Variants in SYDE1 observed in about 807,000 individuals in gnomAD.
SYDE1 encodes synapse defective Rho GTPase activating protein 1.
A neutral mutation model predicts 63.3 loss-of-function variants in SYDE1; 34 were observed. The observed-to-expected ratio is 0.54, with a 90% CI of 0.41 to 0.71. The LOEUF (loss-of-function observed/expected upper bound fraction) is 0.71, where lower values mean the gene tolerates loss of function less well. SYDE1 is among the 30% of genes least tolerant of loss of function. The probability of loss-of-function intolerance (pLI) is 0.00; values close to 1 mark genes in which losing one functional copy is unlikely to be tolerated. For missense variants in SYDE1, 925 were observed against 1,042.5 expected, an observed-to-expected ratio of 0.89 and a Z score of 1.55; for synonymous variants, 467 against 473.4, an observed-to-expected ratio of 0.99 and a Z score of 0.18.
In SYDE1 at chr19:15,111,251, C is replaced by G. The variant is rs1465391563; in HGVS notation, c.1291-62C>G. 1.9e-6 allele frequency: 3 copies of G among 1,593,466 alleles called. No individual in the cohort carries two copies. The highest frequency in any genetic ancestry group is 2.6e-6 in the Non-Finnish European group (3 of 1,165,048). On this transcript the variant is annotated intron_variant, in intron 4 of 7. Coordinates refer to ENST00000342784, the MANE Select transcript of SYDE1 (RefSeq NM_033025.6). This position sits in a 1 kb window ranked among gnomAD's most constrained non-coding sequence, Gnocchi z 5.5. ...GCCCAGAATTCCAGTGCTCACCCCA[C>G]TGGGCCCTGATTAGTCTGTGGCCCC...
rs760072560 is a variant in SYDE1 at position 15,112,461 on chromosome 19, G to A, written c.1694G>A (p.Arg565His). ...VCFGPVLLPARQAPTRPRARS... is the reference protein window; with the variant it reads ...VCFGPVLLPAHQAPTRPRARS... ...TTCGGGCCTGTGCTGCTGCCGGCAC[G>A]CCAGGCGCCCACAAGGCCTCGTGCC... is the stretch of plus-strand genomic sequence containing the variant. Residue 565 changes from arginine (R) to histidine (H), a missense_variant, in exon 7 of 8, where the codon CGC (arginine) becomes CAC (histidine). By Grantham distance (29) the Arg-to-His change is conservative (BLOSUM62 0). Around this residue, in one of 3 missense-constraint regions of SYDE1, gnomAD observed 255 missense variants for 255.9 expected, o/e 1.00. Transcript: ENST00000342784. The A allele has an allele frequency of 6.6e-5, 106 of 1,604,608 alleles. No homozygotes were observed. The highest frequency in any genetic ancestry group is 2.3e-5 in the Non-Finnish European group (27 of 1,176,190).
chr19:15,112,604 C>A, intron 7 of SYDE1, 33 bp downstream of exon 7: 1 of 1,499,040 alleles, frequency 6.7e-7, no homozygotes. Context: ...CACCACCAAT[C>A]TGAGCCAGGC....
rs1469324039 is a variant in SYDE1 at position 15,109,387 on chromosome 19, G to A, written c.420G>A (p.Leu140=). ...CTGGCTCAGCTGAGTCAGAGGGCCTGGCCCCCCAAGGTAAGAACAAGCTTC... is the reference window on the plus strand; with the variant it reads ...CTGGCTCAGCTGAGTCAGAGGGCCTAGCCCCCCAAGGTAAGAACAAGCTTC... ...PQPGSAESEG[L]APQGAAPASP... The change falls in exon 2 of 8, where the codon CTG becomes CTA. Residue 140 remains leucine, a synonymous_variant. Coordinates refer to ENST00000342784, the MANE Select transcript of SYDE1 (RefSeq NM_033025.6). The surrounding 1 kb of genome is among the most constrained non-coding windows in gnomAD (Gnocchi z 5.0). 6.5e-7 allele frequency: 1 copy of A among 1,545,314 alleles called. No homozygotes were observed. The highest frequency in any genetic ancestry group is 2.3e-5 in the East Asian group (1 of 44,270).
At position 15,114,082 on chromosome 19, in the gene SYDE1, G is replaced by T; in HGVS notation, c.*119G>T. On this transcript the variant is annotated 3_prime_UTR_variant, in exon 8 of 8. Transcript: ENST00000342784. ...TCAGGCCGAGCTCCTGGTTGCCAGC[G>T]AGTTACCACGGGACCAGTCGCGTGT... The T allele has an allele frequency of 9.8e-7, 1 of 1,015,456 alleles. No individual in the cohort carries two copies. Among genetic ancestry groups the T allele is most frequent in the Admixed American group, 2.3e-5 (1 of 44,218 alleles). 62.9% of individuals were successfully genotyped at this position (1,015,456 alleles called of 1,614,324 possible).
Position 15,110,012 on chromosome 19 carries a change from T to C in SYDE1, c.739T>C (p.Ser247Pro). 1 of 1,499,906 alleles carries C rather than the reference T, an allele frequency of 6.7e-7. No individual in the cohort carries two copies. Among genetic ancestry groups the C allele is most frequent in the Middle Eastern group, 2.0e-4 (1 of 4,888 alleles). The allele number at this position is 1,499,906 out of a possible 1,614,324, so 92.9% of individuals were successfully genotyped here. ...ERPAGPPSPT[S>P]FRPYEVGPAA... ...CCCAGCTGGGCCCCCATCACCCACCTCCTTCCGGCCCTACGAGGTGGGTCC... is the reference window on the plus strand; with the variant it reads ...CCCAGCTGGGCCCCCATCACCCACCCCCTTCCGGCCCTACGAGGTGGGTCC... The change falls in exon 3 of 8, where the codon TCC becomes CCC. Residue 247 changes from serine (S) to proline (P), a missense_variant. This residue lies in a region of SYDE1 where 599 missense variants were observed against 653.7 expected (regional missense o/e 0.92). Transcript: ENST00000342784. This position sits in a 1 kb window ranked among gnomAD's most constrained non-coding sequence, Gnocchi z 6.9.
At position 15,109,309 on chromosome 19, in the gene SYDE1, C is replaced by T; in HGVS notation, c.342C>T (p.Pro114=). The part of the protein sequence containing the change: ...GEPAGEIWYN[P]IPEEDPRPPA... ...CCGCCGGCGAGATCTGGTACAACCC[C>T]ATCCCTGAGGAAGACCCCAGACCTC... is the stretch of plus-strand genomic sequence containing the variant. The change falls in exon 2 of 8, where the codon CCC becomes CCT. Residue 114 remains proline (P), a synonymous_variant. Coordinates refer to ENST00000342784, the MANE Select transcript of SYDE1 (RefSeq NM_033025.6). This position sits in a 1 kb window ranked among gnomAD's most constrained non-coding sequence, Gnocchi z 5.0. The T allele has an allele frequency of 1.9e-6, 3 of 1,613,074 alleles. No individual in the cohort carries two copies. Among genetic ancestry groups the T allele is most frequent in the Non-Finnish European group, 1.7e-6 (2 of 1,179,352 alleles).
chr19:15,112,265 T>G, intron 6 of SYDE1, 81 bp from the exon 7 acceptor site: 1 of 925,424 alleles, frequency 1.1e-6, no homozygotes, highest in Non-Finnish European at 1.7e-6. Flanking sequence ...GCTTCCCTAC[T>G]CTAGCCACCT....
In SYDE1 at chr19:15,110,403, A is replaced by G; in HGVS notation, c.1075+55A>G. On this transcript the variant is annotated intron_variant, in intron 3 of 7. Transcript: ENST00000342784. This position sits in a 1 kb window ranked among gnomAD's most constrained non-coding sequence, Gnocchi z 6.9. The stretch of plus-strand genomic sequence containing the variant: ...GCAGGGACCCCCAAACCCCACCGCC[A>G]CCCCCCGCAGAGTGCCTAGGGGGCT... 6.9e-7 allele frequency: 1 copy of G among 1,443,624 alleles called. No homozygotes were observed. The highest frequency in any genetic ancestry group is 9.1e-7 in the Non-Finnish European group (1 of 1,098,424). 89.4% of individuals were successfully genotyped at this position (1,443,624 alleles called of 1,614,324 possible).
At position 15,111,466 on chromosome 19, in the gene SYDE1, T is replaced by C. The variant is rs2046345531; in HGVS notation, c.1417+27T>C. 4 of 1,612,052 alleles carry C rather than the reference T, an allele frequency of 2.5e-6. No homozygotes were observed. The highest frequency in any genetic ancestry group is 2.2e-5 in the East Asian group (1 of 44,814). On this transcript the variant is annotated intron_variant, in intron 5 of 7. Coordinates refer to ENST00000342784, the MANE Select transcript of SYDE1 (RefSeq NM_033025.6). This position sits in a 1 kb window ranked among gnomAD's most constrained non-coding sequence, Gnocchi z 5.5. The stretch of plus-strand genomic sequence containing the variant: ...TCAGCATGGCCCCCTCTCCCCTGCC[T>C]GCTCACCCCCATTCAATGCCTCACT...
intron 1 of SYDE1, 71 bp downstream of exon 1, chr19:15,107,592 C>T: frequency 1.8e-6 from 2 of 1,100,488 alleles, no homozygotes; most frequent in Non-Finnish European, 1.3e-6. Context: ...CCCAGGGCCC[C>T]GAGGACAGAC....
rs773258165 is a variant in SYDE1, at chr19:15,112,455, C to T, written c.1688C>T (p.Pro563Leu). 19 of 1,603,344 alleles carry T rather than the reference C, an allele frequency of 1.2e-5. No homozygotes were observed. The highest frequency in any genetic ancestry group is 3.4e-5 in the South Asian group (3 of 89,038). The change falls in exon 7 of 8, where the codon CCG becomes CTG. Residue 563 changes from proline (P) to leucine (L), a missense_variant. This residue lies in a region of SYDE1 where 255 missense variants were observed against 255.9 expected (regional missense o/e 1.00). Transcript: ENST00000342784. Reference sequence around the variant, plus strand: ...GTGTGCTTCGGGCCTGTGCTGCTGCCGGCACGCCAGGCGCCCACAAGGCCT... The same window carrying T: ...GTGTGCTTCGGGCCTGTGCTGCTGCTGGCACGCCAGGCGCCCACAAGGCCT... ...LAVCFGPVLL[P>L]ARQAPTRPRA...
At position 15,109,652 on chromosome 19, in the gene SYDE1, C is replaced by T. The variant is rs538615980; in HGVS notation, c.431-52C>T. ...CCCTTCAGGGGAGCACCAGCCTCAC[C>T]CCCCTCCCCTAAGCCCAGGTTCCTG... On this transcript the variant is annotated intron_variant, in intron 2 of 7. Coordinates refer to ENST00000342784, the MANE Select transcript of SYDE1 (RefSeq NM_033025.6). This position sits in a 1 kb window ranked among gnomAD's most constrained non-coding sequence, Gnocchi z 5.0. 9 of 1,135,934 alleles carry T rather than the reference C, an allele frequency of 7.9e-6. No homozygotes were observed. Among genetic ancestry groups the T allele is most frequent in the Non-Finnish European group, 1.1e-5 (9 of 823,468 alleles). 70.4% of individuals were successfully genotyped at this position (1,135,934 alleles called of 1,614,324 possible). A position where few individuals can be genotyped will look rare whatever the true frequency, so the allele number is the denominator to read the frequency against.
In SYDE1 at chr19:15,111,903, C is replaced by T; in HGVS notation, c.1578+111C>T. The T allele has an allele frequency of 8.9e-7, 1 of 1,126,284 alleles. No homozygotes were observed. 69.8% of individuals were successfully genotyped at this position (1,126,284 alleles called of 1,614,324 possible). ...GCATGAGCTGGCAGCATCATCATAT[C>T]CCCAAGAAATAGGTGCTATTAGCAT... On this transcript the variant is annotated intron_variant, in intron 6 of 7. Transcript: ENST00000342784. The surrounding 1 kb of genome is among the most constrained non-coding windows in gnomAD (Gnocchi z 5.5).
At chr19:15,113,466 G>A in intron 7 of SYDE1, 94 bp from the exon 8 acceptor site, 1 of 1,428,768 alleles carries the variant, frequency 7.0e-7, no homozygotes, top group Non-Finnish European at 9.3e-7. Context: ...GTCGAAGGCC[G>A]CTTTCCACAG....
rs199618647 is a variant in SYDE1 at position 15,113,973 on chromosome 19, C to G, written c.*10C>G. 3 of 1,604,914 alleles carry G rather than the reference C, an allele frequency of 1.9e-6. No individual in the cohort carries two copies. The highest frequency in any genetic ancestry group is 2.6e-6 in the Non-Finnish European group (3 of 1,173,988). Reference sequence around the variant, plus strand: ...CAACGTGTGCCTCTGAGCCAGATGACGGGGTGGGACCCCGGTTAGTAAGGA... The same window carrying G: ...CAACGTGTGCCTCTGAGCCAGATGAGGGGGTGGGACCCCGGTTAGTAAGGA... On this transcript the variant is annotated 3_prime_UTR_variant, in exon 8 of 8. Transcript: ENST00000342784.
At position 15,109,864 on chromosome 19, in the gene SYDE1, G is replaced by A. The variant is rs1463016134; in HGVS notation, c.591G>A (p.Ala197=). The A allele has an allele frequency of 2.0e-6, 3 of 1,525,064 alleles. No homozygotes were observed. The highest frequency in any genetic ancestry group is 2.6e-6 in the Non-Finnish European group (3 of 1,140,872). 94.5% of individuals were successfully genotyped at this position (1,525,064 alleles called of 1,614,324 possible). ...AGRERERAAP[A]GSVISRYHLD... The stretch of plus-strand genomic sequence containing the variant: ...GGGAGCGCGAGAGGGCTGCCCCTGC[G>A]GGCTCCGTCATCAGCCGCTACCACC... The change falls in exon 3 of 8, where the codon GCG becomes GCA. Residue 197 remains alanine (A), a synonymous_variant. Transcript: ENST00000342784. The surrounding 1 kb of genome is among the most constrained non-coding windows in gnomAD (Gnocchi z 5.0).
Position 15,109,647 on chromosome 19 carries a change from C to T in SYDE1, c.431-57C>T. The T allele has an allele frequency of 9.1e-7, 1 of 1,094,458 alleles. No individual in the cohort carries two copies. The highest frequency in any genetic ancestry group is 2.7e-5 in the East Asian group (1 of 37,508). The allele number at this position is 1,094,458 out of a possible 1,614,324, so 67.8% of individuals were successfully genotyped here. ...TCCTTCCCTTCAGGGGAGCACCAGCCTCACCCCCCTCCCCTAAGCCCAGGT... is the reference window on the plus strand; with the variant it reads ...TCCTTCCCTTCAGGGGAGCACCAGCTTCACCCCCCTCCCCTAAGCCCAGGT... On this transcript the variant is annotated intron_variant, in intron 2 of 7. Transcript: ENST00000342784. This position sits in a 1 kb window ranked among gnomAD's most constrained non-coding sequence, Gnocchi z 5.0.
Position 15,110,426 on chromosome 19 carries a change from G to A in SYDE1, c.1075+78G>A, listed in dbSNP as rs750314388. 2.7e-6 allele frequency: 4 copies of A among 1,474,842 alleles called. No homozygotes were observed. Among genetic ancestry groups the A allele is most frequent in the African/African-American group, 2.8e-5 (2 of 71,880 alleles). 91.4% of individuals were successfully genotyped at this position (1,474,842 alleles called of 1,614,324 possible). A position where few individuals can be genotyped will look rare whatever the true frequency, so the allele number is the denominator to read the frequency against. Reference sequence around the variant, plus strand: ...CCACCCCCCGCAGAGTGCCTAGGGGGCTGGGCTCCGGGCGGAAGGTGTGGC... The same window carrying A: ...CCACCCCCCGCAGAGTGCCTAGGGGACTGGGCTCCGGGCGGAAGGTGTGGC... On this transcript the variant is annotated intron_variant, in intron 3 of 7. Coordinates refer to ENST00000342784, the MANE Select transcript of SYDE1 (RefSeq NM_033025.6). The surrounding 1 kb of genome is among the most constrained non-coding windows in gnomAD (Gnocchi z 6.9).
intron 1 of SYDE1, 130 bp downstream of exon 1, chr19:15,107,651 T>A (rs2046315837): frequency 3.5e-6 from 1 of 283,932 alleles, no homozygotes; most frequent in Non-Finnish European, 6.8e-6. Context: ...CAGACTGGGG[T>A]GCCTCCAGCC....
Sources: allele counts gnomAD v4.1 joint callset, GRCh38; gene constraint gnomAD v4.1.1; regional missense constraint gnomAD v4.1.1; non-coding constraint Gnocchi (gnomAD v3.1); transcripts MANE v1.5; gene names NCBI Gene and HGNC (gene_info 2026-07-23, HGNC 2026-07-21).